Variants in NSUN7 observed in about 807,000 individuals in gnomAD.
NSUN7 encodes the protein NOP2/Sun RNA methyltransferase family member 7.
In NSUN7, 39 loss-of-function variants were observed where a neutral mutation model predicts 58.5. The ratio of observed to expected loss-of-function variants is 0.67; its 90% CI spans 0.52 to 0.87. The LOEUF (loss-of-function observed/expected upper bound fraction) is 0.87, where lower values mean the gene tolerates loss of function less well. Ranked by LOEUF, NSUN7 falls within the 40% of genes least tolerant of loss-of-function variation. The probability of loss-of-function intolerance (pLI) is 0.00; values close to 1 mark genes in which losing one functional copy is unlikely to be tolerated. For missense variants in NSUN7, 765 were observed against 844.1 expected, an observed-to-expected ratio of 0.91 and a Z score of 1.16; for synonymous variants, 278 against 303.7, an observed-to-expected ratio of 0.92 and a Z score of 0.88.
chr4:40,766,747 C>A (rs1307085006), intron 4 of NSUN7, among the ~76,000 whole-genome samples: 5 of 151,870 alleles, frequency 3.3e-5, no homozygotes, highest in Non-Finnish European at 5.9e-5. Context: ...TTGATTATTG[C>A]CACAGTTTCA....
Position 40,775,950 on chromosome 4 carries a change from TA to T in NSUN7, c.826-98del. ...AAACTAAAATTGGTTAGGTCTCTAA[TA>T]TTACTATGAGGTACTTTCTTTTATG... On this transcript the variant is annotated intron_variant, in intron 6 of 11. Coordinates refer to ENST00000381782, the MANE Select transcript of NSUN7 (RefSeq NM_024677.6). The surrounding 1 kb of genome is among the most constrained non-coding windows in gnomAD (Gnocchi z 4.3). 1 of 691,314 alleles carries T rather than the reference TA, an allele frequency of 1.4e-6. No individual in the cohort carries two copies. The highest frequency in any genetic ancestry group is 3.8e-4 in the Middle Eastern group (1 of 2,622). 42.8% of individuals were successfully genotyped at this position (691,314 alleles called of 1,614,324 possible).
chr4:40,809,194 G>A lies in NSUN7; in HGVS notation c.*255G>A, dbSNP rs765165457. On this transcript the variant is annotated 3_prime_UTR_variant, in exon 12 of 12. Transcript: ENST00000381782. ...TCCAGTTAGAGACTCAGTATCAGCGGTCAGAACTTATCTCACTCCTGTGAA... is the reference window on the plus strand; with the variant it reads ...TCCAGTTAGAGACTCAGTATCAGCGATCAGAACTTATCTCACTCCTGTGAA... The A allele has an allele frequency of 5.4e-6, 2 of 368,582 alleles. No homozygotes were observed. Among genetic ancestry groups the A allele is most frequent in the Non-Finnish European group, 4.9e-6 (1 of 205,028 alleles). 22.8% of individuals were successfully genotyped at this position (368,582 alleles called of 1,614,324 possible).
chr4:40,803,472 C>G lies in NSUN7; in HGVS notation c.1401-3589C>G, dbSNP rs550871239. Reference sequence around the variant, plus strand: ...TGTTGTTTCCTGACTTTTTAATGATCGCCATTCTAACTGGTGTGAGATGGT... The same window carrying G: ...TGTTGTTTCCTGACTTTTTAATGATGGCCATTCTAACTGGTGTGAGATGGT... On this transcript the variant is annotated intron_variant, in intron 10 of 11. Coordinates refer to ENST00000381782, the MANE Select transcript of NSUN7 (RefSeq NM_024677.6). Among the ~76,000 whole-genome samples the G allele has an allele frequency of 7.8e-4, 119 of 152,190 alleles. 1 individual carries two copies. Among genetic ancestry groups the G allele is most frequent in the African/African-American group, 2.5e-3 (102 of 41,524 alleles).
At position 40,808,510 on chromosome 4, in the gene NSUN7, C is replaced by T. The variant is rs1743977458; in HGVS notation, c.1728C>T (p.Ala576=). 3 of 1,554,186 alleles carry T rather than the reference C, an allele frequency of 1.9e-6. No individual in the cohort carries two copies. The highest frequency in any genetic ancestry group is 2.0e-5 in the Admixed American group (1 of 51,142). The change falls in exon 12 of 12, where the codon GCC becomes GCT. Residue 576 remains alanine, a synonymous_variant. Coordinates refer to ENST00000381782, the MANE Select transcript of NSUN7 (RefSeq NM_024677.6). ...IAEFLNRETK[A]SANLSETVTK... ...AGTTCCTGAATCGAGAAACTAAAGC[C>T]AGTGCTAATCTATCAGAGACTGTAA... is the stretch of plus-strand genomic sequence containing the variant.
At chr4:40,794,497 A>G in intron 9 of NSUN7, 21 bp downstream of exon 9, 1 of 1,398,646 alleles carries the variant, frequency 7.1e-7, no homozygotes, top group Non-Finnish European at 1.0e-6. Flanking sequence ...CATAGGCACC[A>G]TCTTGTTAAA....
intron 4 of NSUN7, among the ~76,000 whole-genome samples, chr4:40,771,171 T>C (rs1476444261): frequency 1.3e-5 from 2 of 152,196 alleles, no homozygotes; most frequent in African/African-American, 4.8e-5. Flanking sequence ...AACATGAGGC[T>C]ACAGGAAGGG....
At position 40,775,138 on chromosome 4, in the gene NSUN7, C is replaced by T. The variant is rs775107683; in HGVS notation, c.825+188C>T. 2.3e-4 allele frequency: 70 copies of T among 308,768 alleles called. No individual in the cohort carries two copies. Among genetic ancestry groups the T allele is most frequent in the Non-Finnish European group, 2.6e-4 (44 of 168,932 alleles). 19.1% of individuals were successfully genotyped at this position (308,768 alleles called of 1,614,324 possible). On this transcript the variant is annotated intron_variant, in intron 6 of 11. Coordinates refer to ENST00000381782, the MANE Select transcript of NSUN7 (RefSeq NM_024677.6). This position sits in a 1 kb window ranked among gnomAD's most constrained non-coding sequence, Gnocchi z 4.3. ...CAGTGCATCTGGTTGGCGTCTTTGT[C>T]TCATGTGAATTTATAAAGAACATAT...
At chr4:40,799,073 CTTTTTTTTTTTTTT>C (rs761448412) in intron 10 of NSUN7, among the ~76,000 whole-genome samples, 169 bp downstream of exon 10, 1 of 76,208 alleles carries the variant, frequency 1.3e-5, no homozygotes, top group Non-Finnish European at 2.5e-5. Context: ...GGGCCTTTTT[CTTTTTTTTTTTTTT>C]TTTTTTTTTT....
At chr4:40,781,244 C>T (rs980590825) in intron 7 of NSUN7, among the ~76,000 whole-genome samples, 9 of 151,998 alleles carry the variant, frequency 5.9e-5, no homozygotes, top group Non-Finnish European at 1.3e-4. Context: ...TTAGTAAAGA[C>T]ATGCTATGTT....
intron 7 of NSUN7, chr4:40,786,557 A>G (rs1742831516): frequency 2.5e-6 from 4 of 1,613,208 alleles, no homozygotes; most frequent in Non-Finnish European, 1.7e-6. Context: ...GAAATTGAGA[A>G]ATTGTTAGCA....
intron 9 of NSUN7, among the ~76,000 whole-genome samples, chr4:40,795,207 T>C (rs1052493937): frequency 2.0e-5 from 3 of 152,204 alleles, no homozygotes; most frequent in Non-Finnish European, 1.5e-5. Context: ...ATCTATATTA[T>C]AGGTACAGAT....
At chr4:40,808,201 T>C (rs1342345062) in intron 11 of NSUN7, 106 bp from the exon 12 acceptor site, 3 of 1,244,100 alleles carry the variant, frequency 2.4e-6, no homozygotes, top group African/African-American at 1.5e-5. Flanking sequence ...TTTCTTTTAG[T>C]ATAATAAAGA....
chr4:40,780,122 A>C (rs1331636124), intron 7 of NSUN7, among the ~76,000 whole-genome samples: 1 of 152,128 alleles, frequency 6.6e-6, no homozygotes, highest in Non-Finnish European at 1.5e-5. Flanking sequence ...CTCTACTAAA[A>C]ATACAAAACT....
intron 7 of NSUN7, among the ~76,000 whole-genome samples, chr4:40,790,053 C>G (rs1001953452): frequency 3.6e-5 from 5 of 140,674 alleles, no homozygotes; most frequent in Admixed American, 1.6e-4. Flanking sequence ...CTTCTGATAA[C>G]CCTCCCCCAC....
At chr4:40,784,019 C>T (rs1473709922) in intron 7 of NSUN7, among the ~76,000 whole-genome samples, 8 of 152,200 alleles carry the variant, frequency 5.3e-5, no homozygotes, top group African/African-American at 1.9e-4. Context: ...CTACAAATGA[C>T]CAGTAAGCTC....
At chr4:40,770,071 G>T (rs1272639608) in intron 4 of NSUN7, among the ~76,000 whole-genome samples, 1 of 152,070 alleles carries the variant, frequency 6.6e-6, no homozygotes, top group Non-Finnish European at 1.5e-5. Flanking sequence ...TTAGTCAGGC[G>T]TGGTGGTGCA....
chr4:40,774,440 T>A, intron 5 of NSUN7, 23 bp downstream of exon 5: 1 of 1,603,150 alleles, frequency 6.2e-7, no homozygotes. Flanking sequence ...ATCAAATTCT[T>A]TATATTTCAA....
intron 7 of NSUN7, among the ~76,000 whole-genome samples, chr4:40,784,175 G>A (rs533623058): frequency 6.6e-6 from 1 of 152,320 alleles, no homozygotes; most frequent in South Asian, 2.1e-4. Flanking sequence ...TTGCTGATGG[G>A]AACATAAAAT....
At chr4:40,777,082 C>T (rs994105448) in intron 7 of NSUN7, among the ~76,000 whole-genome samples, 6 of 152,104 alleles carry the variant, frequency 3.9e-5, no homozygotes, top group Admixed American at 2.0e-4. Flanking sequence ...AGGATTTGAC[C>T]AGGAGAGGTA....
Sources: allele counts gnomAD v4.1 joint callset (sites outside exome capture counted in the v4.1 genomes callset), GRCh38; gene constraint gnomAD v4.1.1; non-coding constraint Gnocchi (gnomAD v3.1); transcripts MANE v1.5; gene names NCBI Gene and HGNC (gene_info 2026-07-23, HGNC 2026-07-21).